CDON: variants seen among roughly 807,000 people sequenced by gnomAD.
CDON encodes the protein cell adhesion associated, oncogene regulated, also known as cell adhesion molecule-related/down-regulated by oncogenes.
In CDON, 73 loss-of-function variants were observed where a neutral mutation model predicts 120.9. The observed-to-expected ratio is 0.60, with a 90% CI of 0.50 to 0.73. The LOEUF (loss-of-function observed/expected upper bound fraction) is 0.73. Ranked by LOEUF, CDON falls within the 30% of genes least tolerant of loss-of-function variation. The pLI, the probability that CDON is intolerant of heterozygous loss-of-function variation, is 0.00. For missense variants in CDON, 1,470 were observed against 1,587.3 expected (o/e 0.93, Z 1.26); for synonymous variants, 566 against 573.5 (o/e 0.99, Z 0.19).
chr11:126,031,209 A>C (rs1260518069), intron 1 of CDON, among the ~76,000 whole-genome samples: 1 of 152,246 alleles, frequency 6.6e-6, no homozygotes, highest in Non-Finnish European at 1.5e-5. Flanking sequence ...CCATGAATAA[A>C]AGAGACACAG....
chr11:125,992,070 G>C (rs915779565), intron 14 of CDON, among the ~76,000 whole-genome samples: 3 of 152,130 alleles, frequency 2.0e-5, no homozygotes, highest in African/African-American at 7.2e-5. Flanking sequence ...AAAACAGAGA[G>C]ACAAAGACAG....
intron 11 of CDON, 45 bp downstream of exon 11, chr11:126,001,674 G>T: frequency 6.3e-7 from 1 of 1,578,594 alleles, no homozygotes. Context: ...TCTGAAGCAG[G>T]TCAGTTATAT....
At chr11:126,000,345 C>G (rs1946906853) in intron 11 of CDON, among the ~76,000 whole-genome samples, 1 of 152,120 alleles carries the variant, frequency 6.6e-6, no homozygotes, top group Non-Finnish European at 1.5e-5. Context: ...GTAGCTAGGA[C>G]TACAGGTGTA....
Position 125,993,417 on chromosome 11 carries a change from ACACACAC to A in CDON, c.2650+860_2650+866del, listed in dbSNP as rs375396692. ...CGTGCACACACACACACACACACAC[ACACACAC>A]AACCACGTGCTTAAACTTTGATAAC... On this transcript the variant is annotated intron_variant, in intron 14 of 19. Coordinates refer to ENST00000531738, the MANE Select transcript of CDON (RefSeq NM_001378964.1). Among the ~76,000 whole-genome samples the A allele has an allele frequency of 6.5e-3, 983 of 152,054 alleles. 9 individuals carry two copies. Among genetic ancestry groups the A allele is most frequent in the African/African-American group, 0.022 (905 of 41,448 alleles).
chr11:126,004,347 C>T (rs1947053432), intron 9 of CDON: 1 of 466,826 alleles, frequency 2.1e-6, no homozygotes, highest in African/African-American at 2.0e-5. Flanking sequence ...CCCTCCCAGA[C>T]TCTGTTTCCT....
chr11:125,964,707 G>A (rs1945740878), intron 18 of CDON, among the ~76,000 whole-genome samples: 1 of 152,114 alleles, frequency 6.6e-6, no homozygotes, highest in South Asian at 2.1e-4. Context: ...AGTCATACAT[G>A]TGTGGCTGAC....
In CDON at chr11:125,957,834, C is replaced by T. The variant is rs936458935; in HGVS notation, c.*3108G>A. 1 of 152,188 alleles carries T rather than the reference C, an allele frequency of 6.6e-6. No individual in the cohort carries two copies. Among genetic ancestry groups the T allele is most frequent in the Non-Finnish European group, 1.5e-5 (1 of 68,040 alleles). 9.4% of individuals were successfully genotyped at this position (152,188 alleles called of 1,614,324 possible). A position where few individuals can be genotyped will look rare whatever the true frequency, so the allele number is the denominator to read the frequency against. On this transcript the variant is annotated 3_prime_UTR_variant, in exon 20 of 20. Coordinates refer to ENST00000531738, the MANE Select transcript of CDON (RefSeq NM_001378964.1). ...TAACTTGCACCCTGGCAGCACCTGT[C>T]ACCAGACTGTCAGTGCAAAACTGAA...
chr11:126,047,022 T>C (rs1432647271), intron 1 of CDON, among the ~76,000 whole-genome samples: 1 of 152,188 alleles, frequency 6.6e-6, no homozygotes. Context: ...AGTAATGGGA[T>C]TTCCCATCGA....
intron 11 of CDON, among the ~76,000 whole-genome samples, chr11:126,000,397 T>TG (rs58339316): frequency 0.065 from 9,821 of 152,116 alleles, 397 homozygotes; most frequent in Admixed American, 0.12. Context: ...TTGTAGATAC[T>TG]GGGTCTCACT....
chr11:126,041,088 C>G (rs1298274137), intron 1 of CDON, among the ~76,000 whole-genome samples: 2 of 149,496 alleles, frequency 1.3e-5, no homozygotes, highest in African/African-American at 4.9e-5. Context: ...ACTCAGGAGG[C>G]TGAGGCAGGA....
chr11:126,003,216 CT>C (rs1947007186), intron 10 of CDON, among the ~76,000 whole-genome samples: 2 of 152,296 alleles, frequency 1.3e-5, no homozygotes, highest in East Asian at 3.9e-4. Context: ...TGTTTTGCTT[CT>C]TGCCTAACAT....
At chr11:125,962,095 C>T in intron 18 of CDON, 97 bp from the exon 19 acceptor site, 2 of 944,574 alleles carry the variant, frequency 2.1e-6, no homozygotes, top group South Asian at 1.4e-5. Context: ...TCTGTATTCA[C>T]AGACTCTTAA....
chr11:126,015,051 G>T, intron 7 of CDON, 190 bp downstream of exon 7: 1 of 632,102 alleles, frequency 1.6e-6, no homozygotes, highest in Non-Finnish European at 2.8e-6. Flanking sequence ...TTTTTAATGA[G>T]CTTGATTAAT....
chr11:126,007,141 T>C (rs1947151196), intron 8 of CDON, among the ~76,000 whole-genome samples: 1 of 152,220 alleles, frequency 6.6e-6, no homozygotes, highest in South Asian at 2.1e-4. Flanking sequence ...ACTCCTTTTG[T>C]GGAGGAAGAG....
intron 11 of CDON, among the ~76,000 whole-genome samples, chr11:126,000,397 T>C (rs2134562754): frequency 6.6e-6 from 1 of 152,142 alleles, no homozygotes; most frequent in African/African-American, 2.4e-5. Flanking sequence ...TTGTAGATAC[T>C]GGGTCTCACT....
chr11:126,056,233 G>GT (rs1293463218), intron 1 of CDON, among the ~76,000 whole-genome samples: 2 of 152,172 alleles, frequency 1.3e-5, no homozygotes, highest in Admixed American at 1.3e-4. Flanking sequence ...TTGTTGGATA[G>GT]TTCTTCTTTC....
At chr11:125,971,686 C>T (rs960500539) in intron 18 of CDON, among the ~76,000 whole-genome samples, 1 of 152,022 alleles carries the variant, frequency 6.6e-6, no homozygotes, top group Non-Finnish European at 1.5e-5. Flanking sequence ...AGCTGATTTT[C>T]GCTGGGAGAC....
chr11:126,040,978 C>G (rs1176392251), intron 1 of CDON, among the ~76,000 whole-genome samples: 1 of 151,770 alleles, frequency 6.6e-6, no homozygotes, highest in Non-Finnish European at 1.5e-5. Flanking sequence ...ATCACAAGGT[C>G]AGGAGTTCCA....
intron 2 of CDON, among the ~76,000 whole-genome samples, chr11:126,022,015 T>C (rs1273825964): frequency 6.7e-6 from 1 of 149,300 alleles, no homozygotes; most frequent in Non-Finnish European, 1.5e-5. Context: ...GGTGGGAGGA[T>C]TGCTTGAGCC....
Sources: allele counts gnomAD v4.1 joint callset (sites outside exome capture counted in the v4.1 genomes callset), GRCh38; gene constraint gnomAD v4.1.1; transcripts MANE v1.5; gene names NCBI Gene and HGNC (gene_info 2026-07-23, HGNC 2026-07-21).